Variants in SGCZ observed in about 807,000 individuals in gnomAD.
SGCZ encodes the protein zeta-sarcoglycan.
A neutral mutation model predicts 41.3 loss-of-function variants in SGCZ; 40 were observed. That is an observed-to-expected ratio of 0.97 (90% CI 0.75 to 1.26). SGCZ has a LOEUF of 1.26. SGCZ is among the 50% of genes most tolerant of loss of function. The probability of loss-of-function intolerance (pLI) is 0.00; values close to 1 mark genes in which losing one functional copy is unlikely to be tolerated. For missense variants in SGCZ, 552 were observed against 369.8 expected, an observed-to-expected ratio of 1.49 and a Z score of -4.04; for synonymous variants, 206 against 137.5, an observed-to-expected ratio of 1.50 and a Z score of -3.49.
chr8:14,550,733 C>T (rs1803778620), intron 2 of SGCZ, among the ~76,000 whole-genome samples: 2 of 152,030 alleles, frequency 1.3e-5, no homozygotes, highest in African/African-American at 4.8e-5. Context: ...CAATTCTTCC[C>T]AACTCAAGAT....
intron 2 of SGCZ, among the ~76,000 whole-genome samples, chr8:14,341,448 G>GT (rs202134180): frequency 0.013 from 1,925 of 152,014 alleles, 32 homozygotes; most frequent in African/African-American, 0.031. Flanking sequence ...CCTTTTGTTT[G>GT]TTTTTTTAAT....
chr8:15,119,492 A>T (rs2116947119), intron 1 of SGCZ, among the ~76,000 whole-genome samples: 1 of 151,372 alleles, frequency 6.6e-6, no homozygotes, highest in South Asian at 2.1e-4. Flanking sequence ...TGGTCATGCC[A>T]CTGCACTCAG....
At chr8:14,631,293 A>T (rs199848354) in intron 1 of SGCZ, among the ~76,000 whole-genome samples, 2 of 17,462 alleles carry the variant, frequency 1.1e-4, no homozygotes, top group Admixed American at 5.5e-4. Context: ...TTCTTTTTTT[A>T]TTATTATTAT....
intron 1 of SGCZ, among the ~76,000 whole-genome samples, chr8:14,859,557 G>A (rs1392325232): frequency 6.6e-6 from 1 of 151,964 alleles, no homozygotes; most frequent in Non-Finnish European, 1.5e-5. Context: ...ATAGACAAAG[G>A]GTTTCCTTCC....
chr8:14,661,680 T>C (rs1807755659), intron 1 of SGCZ, among the ~76,000 whole-genome samples: 1 of 152,132 alleles, frequency 6.6e-6, no homozygotes. Flanking sequence ...AACCCAGGTA[T>C]TTCACATCTT....
At chr8:14,739,587 G>C (rs1799140156) in intron 1 of SGCZ, among the ~76,000 whole-genome samples, 1 of 152,108 alleles carries the variant, frequency 6.6e-6, no homozygotes, top group South Asian at 2.1e-4. Flanking sequence ...AAACTGACCA[G>C]TATTACTCAA....
chr8:14,452,780 C>A (rs1800631734), intron 2 of SGCZ, among the ~76,000 whole-genome samples: 1 of 152,036 alleles, frequency 6.6e-6, no homozygotes, highest in South Asian at 2.1e-4. Context: ...ATTCAAAAGG[C>A]AGGAAGCATG....
intron 1 of SGCZ, among the ~76,000 whole-genome samples, chr8:15,177,792 G>A (rs540245821): frequency 6.6e-6 from 1 of 152,244 alleles, no homozygotes; most frequent in Non-Finnish European, 1.5e-5. Flanking sequence ...GTTATTCTCT[G>A]AGACACCCTG....
Position 15,022,243 on chromosome 8 carries a change from G to T in SGCZ, c.39+215342C>A, listed in dbSNP as rs1004480118. Among the ~76,000 whole-genome samples, 22 of 152,116 alleles carry T rather than the reference G, an allele frequency of 1.4e-4. 1 individual carries two copies. The highest frequency in any genetic ancestry group is 1.4e-3 in the Admixed American group (21 of 15,278). ...TGTAATAAAAAATTCAGTGAGGTAG[G>T]TGAATATTTTAATCATGTAATTCTG... On this transcript the variant is annotated intron_variant, in intron 1 of 7. Coordinates refer to ENST00000382080, the MANE Select transcript of SGCZ (RefSeq NM_139167.4).
Position 14,653,683 on chromosome 8 carries a change from G to A in SGCZ, c.40-98757C>T, listed in dbSNP as rs575679159. On this transcript the variant is annotated intron_variant, in intron 1 of 7. Coordinates refer to ENST00000382080, the MANE Select transcript of SGCZ (RefSeq NM_139167.4). ...TTAGCAGCTTCGCTTTCTCATTCCT[G>A]TCCCTGAAGTGATGTCCCACCCATC... 1.8e-4 allele frequency among the ~76,000 whole-genome samples: 27 copies of A among 151,990 alleles called. No homozygotes were observed. The South Asian group carries it at 5.6e-3, about 32-fold the overall frequency.
chr8:14,391,022 T>A (rs1804751534), intron 2 of SGCZ, among the ~76,000 whole-genome samples: 1 of 152,046 alleles, frequency 6.6e-6, no homozygotes, highest in Non-Finnish European at 1.5e-5. Flanking sequence ...ACTTCCAGAT[T>A]CAGAAAACTA....
At chr8:15,167,236 G>A (rs1423458392) in intron 1 of SGCZ, among the ~76,000 whole-genome samples, 1 of 152,218 alleles carries the variant, frequency 6.6e-6, no homozygotes, top group African/African-American at 2.4e-5. Flanking sequence ...AACACAATTG[G>A]AGAAAGTGAT....
intron 1 of SGCZ, among the ~76,000 whole-genome samples, chr8:14,955,191 T>A (rs1800754107): frequency 6.6e-6 from 1 of 152,210 alleles, no homozygotes; most frequent in Admixed American, 6.5e-5. Flanking sequence ...AAAAGAAAAC[T>A]TCAAAACTTC....
chr8:14,957,583 T>C (rs1245968842), intron 1 of SGCZ, among the ~76,000 whole-genome samples: 4 of 152,040 alleles, frequency 2.6e-5, no homozygotes, highest in African/African-American at 9.7e-5. Context: ...AGCTTACTTG[T>C]CATGTTTTAC....
chr8:14,557,567 T>G (rs1233249500), intron 1 of SGCZ, among the ~76,000 whole-genome samples: 2 of 152,096 alleles, frequency 1.3e-5, no homozygotes, highest in Admixed American at 1.3e-4. Context: ...GGTTTTAGAT[T>G]TAAGTCCTTG....
intron 1 of SGCZ, among the ~76,000 whole-genome samples, chr8:14,560,652 T>C (rs28623115): frequency 1.0e-3 from 154 of 152,226 alleles, no homozygotes; most frequent in African/African-American, 3.5e-3. Context: ...TATATTTCAA[T>C]ATGAAGGTGA....
intron 3 of SGCZ, among the ~76,000 whole-genome samples, chr8:14,240,114 GC>G (rs1391316549): frequency 6.6e-6 from 1 of 151,510 alleles, no homozygotes; most frequent in African/African-American, 2.4e-5. Context: ...ATCACCTGAG[GC>G]CAGGAGTTTG....
intron 1 of SGCZ, among the ~76,000 whole-genome samples, chr8:14,803,076 T>C (rs1318721787): frequency 6.6e-6 from 1 of 152,208 alleles, no homozygotes; most frequent in Non-Finnish European, 1.5e-5. Context: ...ACTAAATTAT[T>C]TTACCACCCA....
chr8:14,434,023 T>G (rs1042887868), intron 2 of SGCZ, among the ~76,000 whole-genome samples: 5 of 152,228 alleles, frequency 3.3e-5, no homozygotes, highest in African/African-American at 1.2e-4. Flanking sequence ...TTTGGGTTCT[T>G]GGTCATGAAA....
Sources: allele counts gnomAD v4.1 joint callset (sites outside exome capture counted in the v4.1 genomes callset), GRCh38; gene constraint gnomAD v4.1.1; transcripts MANE v1.5; gene names NCBI Gene and HGNC (gene_info 2026-07-23, HGNC 2026-07-21).